Variants in DPY19L2 observed in about 807,000 individuals in gnomAD.
DPY19L2 encodes the protein dpy-19 like 2.
Under a neutral mutation model 97.9 loss-of-function variants are expected in DPY19L2, and 34 were observed. That is an observed-to-expected ratio of 0.35 (90% confidence interval 0.26 to 0.46). DPY19L2 has a LOEUF of 0.46. Among genes scored for constraint, DPY19L2 ranks in the 20% least tolerant of loss-of-function variants. DPY19L2 has a pLI of 1.00. For synonymous variants in DPY19L2, 230 were observed against 307.9 expected (o/e 0.75, Z 2.65); for missense variants, 623 against 911.4 (o/e 0.68, Z 4.07).
intron 21 of DPY19L2, among the ~76,000 whole-genome samples, chr12:63,563,397 T>C (rs906923763): frequency 6.6e-6 from 1 of 152,210 alleles, no homozygotes; most frequent in Non-Finnish European, 1.5e-5. Flanking sequence ...AATTTTATAT[T>C]CTTGGATTCT....
chr12:63,563,951 T>G (rs949016148), intron 21 of DPY19L2, among the ~76,000 whole-genome samples: 4 of 152,092 alleles, frequency 2.6e-5, no homozygotes, highest in Non-Finnish European at 5.9e-5. Flanking sequence ...GATATAAGAT[T>G]TTCTATTTCT....
intron 21 of DPY19L2, 106 bp from the exon 22 acceptor site, chr12:63,560,768 A>C: frequency 1.4e-6 from 2 of 1,428,960 alleles, no homozygotes; most frequent in Non-Finnish European, 1.9e-6. Flanking sequence ...TTCATAAGTT[A>C]AATATTTTAA....
intron 18 of DPY19L2, among the ~76,000 whole-genome samples, chr12:63,581,039 C>G (rs1034871401): frequency 6.6e-6 from 1 of 152,140 alleles, no homozygotes; most frequent in Non-Finnish European, 1.5e-5. Context: ...GGAACTTTCT[C>G]TCCCCTGGGA....
intron 6 of DPY19L2, among the ~76,000 whole-genome samples, chr12:63,629,713 G>A (rs1249465984): frequency 8.5e-5 from 13 of 152,062 alleles, no homozygotes; most frequent in Admixed American, 5.9e-4. Flanking sequence ...GAAATACAGA[G>A]AACGCCACAA....
intron 19 of DPY19L2, among the ~76,000 whole-genome samples, chr12:63,572,733 A>AAG (rs199874224): frequency 3.3e-5 from 5 of 151,674 alleles, no homozygotes; most frequent in East Asian, 3.9e-4. Flanking sequence ...AGCACAGAGA[A>AAG]AGAGAGAGAG....
chr12:63,636,189 TGA>T (rs1368991235), intron 6 of DPY19L2, among the ~76,000 whole-genome samples: 1 of 152,016 alleles, frequency 6.6e-6, no homozygotes, highest in East Asian at 1.9e-4. Flanking sequence ...GCTTCATAAG[TGA>T]AGGAGAAATA....
chr12:63,665,152 A>T (rs193263331), intron 2 of DPY19L2, among the ~76,000 whole-genome samples: 1 of 152,136 alleles, frequency 6.6e-6, no homozygotes, highest in Non-Finnish European at 1.5e-5. Context: ...TCCAATTGGC[A>T]GGTGTTACTA....
chr12:63,605,159 A>C (rs1201956916), intron 12 of DPY19L2, among the ~76,000 whole-genome samples: 2 of 152,120 alleles, frequency 1.3e-5, no homozygotes, highest in African/African-American at 4.8e-5. Flanking sequence ...GTGTAGGAAG[A>C]ATGTACTTCC....
chr12:63,566,848 T>C (rs1464735287), intron 21 of DPY19L2, among the ~76,000 whole-genome samples: 3 of 151,966 alleles, frequency 2.0e-5, no homozygotes, highest in Non-Finnish European at 2.9e-5. Flanking sequence ...ATGTTTAGGG[T>C]TTTTCCCCTT....
chr12:63,628,515 G>C (rs1296322416), intron 6 of DPY19L2, among the ~76,000 whole-genome samples: 1 of 152,124 alleles, frequency 6.6e-6, no homozygotes, highest in Non-Finnish European at 1.5e-5. Context: ...AGCGAGGATG[G>C]GGGAGGGGCA....
chr12:63,594,224 G>T, intron 15 of DPY19L2, 91 bp from the exon 16 acceptor site: 11 of 996,206 alleles, frequency 1.1e-5, no homozygotes, highest in Non-Finnish European at 1.6e-5. Flanking sequence ...CTCTGCCAAG[G>T]AAAGAAGTAT....
intron 6 of DPY19L2, among the ~76,000 whole-genome samples, chr12:63,634,132 G>A (rs927662904): frequency 1.3e-5 from 2 of 152,096 alleles, no homozygotes; most frequent in Non-Finnish European, 2.9e-5. Context: ...GTTACTGGGT[G>A]CAGCACACCA....
At chr12:63,604,631 C>T (rs1251147848) in intron 12 of DPY19L2, among the ~76,000 whole-genome samples, 1 of 152,052 alleles carries the variant, frequency 6.6e-6, no homozygotes, top group East Asian at 1.9e-4. Flanking sequence ...GCTACCAAGT[C>T]CATTTATTAA....
chr12:63,566,125 C>A (rs1158047171), intron 21 of DPY19L2, among the ~76,000 whole-genome samples: 1 of 152,044 alleles, frequency 6.6e-6, no homozygotes, highest in Non-Finnish European at 1.5e-5. Context: ...CTCTTGTATT[C>A]AGTTTGCCAA....
At chr12:63,631,463 G>T (rs1890627921) in intron 6 of DPY19L2, among the ~76,000 whole-genome samples, 1 of 152,076 alleles carries the variant, frequency 6.6e-6, no homozygotes, top group Non-Finnish European at 1.5e-5. Context: ...AGAAAATCTA[G>T]AAGAAATGGA....
chr12:63,648,275 T>C (rs977331663), intron 4 of DPY19L2, among the ~76,000 whole-genome samples: 5 of 151,990 alleles, frequency 3.3e-5, no homozygotes, highest in Admixed American at 3.3e-4. Context: ...TCTTTATAAA[T>C]TACCTAGTCT....
At chr12:63,586,274 A>G (rs997007122) in intron 16 of DPY19L2, among the ~76,000 whole-genome samples, 1 of 152,202 alleles carries the variant, frequency 6.6e-6, no homozygotes, top group African/African-American at 2.4e-5. Context: ...GGCAAAATAA[A>G]GCCATTTTTT....
Position 63,625,746 on chromosome 12 carries a change from G to T in DPY19L2, c.861+723C>A, listed in dbSNP as rs564647952. ...GTCTTAACTGTGTCCCTGCTGTCAG[G>T]CCTGAGGCCTCTTTCATTGTTGTTA... On this transcript the variant is annotated intron_variant, in intron 7 of 21. Coordinates refer to ENST00000324472, the MANE Select transcript of DPY19L2 (RefSeq NM_173812.5). 1.7e-4 allele frequency among the ~76,000 whole-genome samples: 26 copies of T among 152,204 alleles called. No homozygotes were observed. The East Asian group carries it at 4.6e-3, about 27-fold the overall frequency.
At position 63,560,540 on chromosome 12, in the gene DPY19L2, C is replaced by T. The variant is rs140814471; in HGVS notation, c.2249G>A (p.Ser750Asn). ...GTTAACCTTTAATACTCTGTACACA[C>T]TATTCTGAAATACTGTGGTGAAGTA... ...RPYFTTVFQN[S>N]VYRVLKVN Residue 750 changes from serine to asparagine, a missense_variant, in exon 22 of 22, where the codon AGT becomes AAT. Ser to Asn is a conservative substitution (Grantham distance 46). Around this residue, in one of 6 missense-constraint regions of DPY19L2, gnomAD observed 294 missense variants for 446.2 expected, o/e 0.66. Coordinates refer to ENST00000324472, the MANE Select transcript of DPY19L2 (RefSeq NM_173812.5). The T allele has an allele frequency of 1.9e-4, 311 of 1,613,946 alleles. No individual in the cohort carries two copies. In the African/African-American group the frequency reaches 3.7e-3, roughly 19 times the overall value.
Sources: allele counts gnomAD v4.1 joint callset (sites outside exome capture counted in the v4.1 genomes callset), GRCh38; gene constraint gnomAD v4.1.1; regional missense constraint gnomAD v4.1.1; transcripts MANE v1.5; gene names NCBI Gene and HGNC (gene_info 2026-07-23, HGNC 2026-07-21).